The following CSMD2 variants were observed in gnomAD, a reference collection of about 807,000 sequenced individuals.
CSMD2 encodes the protein CUB and sushi domain-containing protein 2.
CSMD2 carries 130 observed loss-of-function variants against 398.5 expected under a neutral mutation model. The ratio of observed to expected loss-of-function variants is 0.33; its 90% CI spans 0.28 to 0.38. CSMD2 has a LOEUF of 0.38. Ranked by LOEUF, CSMD2 falls within the 10% of genes least tolerant of loss-of-function variation. The pLI, the probability that CSMD2 is intolerant of heterozygous loss-of-function variation, is 1.00. For missense variants in CSMD2, 3,829 were observed against 4,764.9 expected (o/e 0.80, Z 5.78); for synonymous variants, 1,828 against 1,908.5 (o/e 0.96, Z 1.10).
chr1:33,571,807 T>G (rs948830868), intron 50 of CSMD2, 81 bp from the exon 51 acceptor site: 1 of 1,063,234 alleles, frequency 9.4e-7, no homozygotes, highest in Non-Finnish European at 1.2e-6. Flanking sequence ...ATCTAGGGAC[T>G]TGGAGACCTT....
At chr1:34,140,293 C>A (rs1413691486) in intron 1 of CSMD2, among the ~76,000 whole-genome samples, 125 of 138,634 alleles carry the variant, frequency 9.0e-4, no homozygotes, top group Admixed American at 1.8e-3. Flanking sequence ...TCGGCATATG[C>A]AAAAAAACAA....
chr1:33,924,360 A>G (rs1296148880), intron 4 of CSMD2, among the ~76,000 whole-genome samples: 1 of 152,178 alleles, frequency 6.6e-6, no homozygotes, highest in Non-Finnish European at 1.5e-5. Flanking sequence ...TTAACATCTG[A>G]GTAGTATTCC....
intron 5 of CSMD2, among the ~76,000 whole-genome samples, chr1:33,876,274 G>A (rs1640833338): frequency 6.6e-6 from 1 of 152,152 alleles, no homozygotes; most frequent in Non-Finnish European, 1.5e-5. Context: ...GACCATGAGG[G>A]GAACTGGTCA....
intron 19 of CSMD2, 128 bp from the exon 20 acceptor site, chr1:33,716,629 A>G: frequency 3.0e-6 from 2 of 662,780 alleles, no homozygotes; most frequent in South Asian, 1.9e-5. Context: ...ACAAGCATGC[A>G]TTGACAAATC....
intron 3 of CSMD2, among the ~76,000 whole-genome samples, chr1:33,940,453 C>T (rs958274282): frequency 3.9e-5 from 6 of 151,930 alleles, no homozygotes; most frequent in East Asian, 1.9e-4. Context: ...GTGCCTAGTA[C>T]GTTTCAGGTC....
At chr1:34,100,124 T>C (rs1233198799) in intron 1 of CSMD2, among the ~76,000 whole-genome samples, 1 of 152,230 alleles carries the variant, frequency 6.6e-6, no homozygotes, top group Non-Finnish European at 1.5e-5. Flanking sequence ...ACTGGTGAGA[T>C]AACACCATAT....
Position 33,572,545 on chromosome 1 carries a change from C to T in CSMD2, c.7723G>A (p.Gly2575Ser), listed in dbSNP as rs1659691997. 1 of 1,613,560 alleles carries T rather than the reference C, an allele frequency of 6.2e-7. No individual in the cohort carries two copies. The highest frequency in any genetic ancestry group is 8.5e-7 in the Non-Finnish European group (1 of 1,179,830). The change falls in exon 50 of 71, where the codon GGC becomes AGC. Residue 2575 changes from glycine to serine, a missense_variant. This residue lies in a region of CSMD2 where 723 missense variants were observed against 758.6 expected (regional missense o/e 0.95). Coordinates refer to ENST00000373381, the MANE Select transcript of CSMD2 (RefSeq NM_001281956.2). ...GGGACATTGCGGTTGCTCCATAGGC[C>T]TGTGTCCAGACACTCTGCAGTGGCC... ...AEATAECLDT[G>S]LWSNRNVPPQ...
At chr1:33,720,073 G>A (rs941878157) in intron 19 of CSMD2, among the ~76,000 whole-genome samples, 2 of 152,200 alleles carry the variant, frequency 1.3e-5, no homozygotes, top group Non-Finnish European at 2.9e-5. Flanking sequence ...GCCTCTTAGG[G>A]AGCAATCACA....
chr1:33,823,618 C>T (rs1336516649), intron 7 of CSMD2, among the ~76,000 whole-genome samples: 1 of 151,606 alleles, frequency 6.6e-6, no homozygotes, highest in African/African-American at 2.4e-5. Context: ...GAACTGATGG[C>T]AAGGTAGAGA....
At chr1:33,799,252 T>G (rs1655312170) in intron 10 of CSMD2, among the ~76,000 whole-genome samples, 1 of 152,236 alleles carries the variant, frequency 6.6e-6, no homozygotes, top group South Asian at 2.1e-4. Context: ...AGACCTTACA[T>G]GGACTTTAAA....
In CSMD2 at chr1:33,788,781, G is replaced by A. The variant is rs563994645; in HGVS notation, c.1551-69C>T. ...ACCCGAATAGAATGATTGCCTGACC[G>A]ATGACATTTAAAGGACTATCCAGGA... is the stretch of plus-strand genomic sequence containing the variant. On this transcript the variant is annotated intron_variant, in intron 11 of 70. Coordinates refer to ENST00000373381, the MANE Select transcript of CSMD2 (RefSeq NM_001281956.2). The A allele has an allele frequency of 1.2e-4, 126 of 1,048,786 alleles. 1 individual carries two copies. The highest frequency in any genetic ancestry group is 3.9e-4 in the African/African-American group (25 of 63,948). The allele number at this position is 1,048,786 out of a possible 1,614,324, so 65.0% of individuals were successfully genotyped here. A position where few individuals can be genotyped will look rare whatever the true frequency, so the allele number is the denominator to read the frequency against.
intron 32 of CSMD2, among the ~76,000 whole-genome samples, chr1:33,627,651 G>A (rs1642211733): frequency 1.3e-5 from 2 of 152,240 alleles, no homozygotes; most frequent in Non-Finnish European, 1.5e-5. Context: ...TGCAAGGCAG[G>A]CTTAGATGTG....
intron 4 of CSMD2, among the ~76,000 whole-genome samples, chr1:33,931,454 T>C (rs1644310292): frequency 6.7e-6 from 1 of 150,038 alleles, no homozygotes; most frequent in Non-Finnish European, 1.5e-5. Flanking sequence ...GTGGGGATTA[T>C]AATAGAGATG....
chr1:33,545,902 C>A, intron 57 of CSMD2, 135 bp downstream of exon 57: 1 of 724,800 alleles, frequency 1.4e-6, no homozygotes, highest in South Asian at 1.8e-5. Flanking sequence ...TGTTGCAGTC[C>A]TATCAGCCAG....
chr1:34,043,376 C>T (rs1212369445), intron 2 of CSMD2, among the ~76,000 whole-genome samples: 1 of 152,156 alleles, frequency 6.6e-6, no homozygotes, highest in African/African-American at 2.4e-5. Flanking sequence ...TCACTTTCAG[C>T]ATCAGTTCCT....
At chr1:34,053,818 C>G (rs754418407) in intron 2 of CSMD2, among the ~76,000 whole-genome samples, 1 of 152,042 alleles carries the variant, frequency 6.6e-6, no homozygotes, top group African/African-American at 2.4e-5. Context: ...CTTATAAATG[C>G]ACAAGAAAGG....
intron 3 of CSMD2, among the ~76,000 whole-genome samples, chr1:34,000,983 G>A (rs1318184994): frequency 6.6e-6 from 1 of 150,660 alleles, no homozygotes; most frequent in African/African-American, 2.4e-5. Context: ...GAGGAAGGAG[G>A]GGAGAAGGAG....
chr1:33,757,660 C>T (rs1390157203), intron 13 of CSMD2, among the ~76,000 whole-genome samples: 1 of 152,234 alleles, frequency 6.6e-6, no homozygotes, highest in Non-Finnish European at 1.5e-5. Flanking sequence ...CTGGAGATCC[C>T]ACCGGCACCT....
At chr1:33,774,270 T>G (rs531903709) in intron 12 of CSMD2, among the ~76,000 whole-genome samples, 1 of 152,164 alleles carries the variant, frequency 6.6e-6, no homozygotes, top group East Asian at 1.9e-4. Context: ...TCACCTCACA[T>G]GTCCCCCTGG....
Sources: gnomAD v4.1 joint callset for allele counts (sites outside exome capture counted in the v4.1 genomes callset) on GRCh38, gnomAD v4.1.1 for gene constraint, gnomAD v4.1.1 regional missense constraint, MANE v1.5 for transcripts, NCBI Gene and HGNC (gene_info 2026-07-23, HGNC 2026-07-21) for gene names.